BRINP1: variants seen among roughly 807,000 people sequenced by gnomAD.
BRINP1 encodes BMP/retinoic acid-inducible neural-specific protein 1.
Under a neutral mutation model 72.9 loss-of-function variants are expected in BRINP1, and 17 were observed. That is an observed-to-expected ratio of 0.23 (90% CI 0.16 to 0.35). BRINP1 has a LOEUF of 0.35. Among genes scored for constraint, BRINP1 ranks in the 10% least tolerant of loss-of-function variants. BRINP1 has a pLI of 1.00. For synonymous variants in BRINP1, 418 were observed against 378.5 expected (o/e 1.10, Z -1.21); for missense variants, 850 against 1,001.6 (o/e 0.85, Z 2.04).
chr9:119,315,748 C>T (rs186976609), intron 1 of BRINP1, among the ~76,000 whole-genome samples: 1 of 152,302 alleles, frequency 6.6e-6, no homozygotes, highest in Non-Finnish European at 1.5e-5. Context: ...CCAGTGAACA[C>T]ATGAATGATA....
At chr9:119,310,526 A>T (rs541026051) in intron 2 of BRINP1, among the ~76,000 whole-genome samples, 14 of 152,176 alleles carry the variant, frequency 9.2e-5, no homozygotes, top group Non-Finnish European at 1.5e-4. Flanking sequence ...CAGGAGAAAG[A>T]AGATGGCCTT....
intron 2 of BRINP1, among the ~76,000 whole-genome samples, chr9:119,252,486 G>T (rs903202207): frequency 1.3e-5 from 2 of 151,480 alleles, no homozygotes; most frequent in East Asian, 3.9e-4. Context: ...ATAATTATGA[G>T]GTTATATATA....
intron 7 of BRINP1, among the ~76,000 whole-genome samples, chr9:119,203,638 A>G (rs1303535222): frequency 6.6e-6 from 1 of 152,198 alleles, no homozygotes; most frequent in Non-Finnish European, 1.5e-5. Flanking sequence ...CAAAGGTTTC[A>G]GTAACTTCCT....
intron 1 of BRINP1, among the ~76,000 whole-genome samples, chr9:119,316,606 T>C (rs1831127614): frequency 1.3e-5 from 2 of 152,038 alleles, no homozygotes; most frequent in Admixed American, 1.3e-4. Flanking sequence ...CTACTCTGCT[T>C]GTGATCTAAA....
intron 6 of BRINP1, 194 bp downstream of exon 6, chr9:119,213,725 T>C (rs775505651): frequency 1.5e-6 from 1 of 655,200 alleles, no homozygotes; most frequent in East Asian, 2.5e-5. Context: ...ATGCTATTCA[T>C]TAATTTTATT....
intron 5 of BRINP1, among the ~76,000 whole-genome samples, chr9:119,222,326 A>G (rs1016131416): frequency 2.0e-5 from 3 of 152,138 alleles, no homozygotes; most frequent in Non-Finnish European, 4.4e-5. Flanking sequence ...ACTATAGCCA[A>G]ATTGACCTGC....
intron 2 of BRINP1, chr9:119,283,302 G>T: frequency 2.0e-6 from 1 of 488,044 alleles, no homozygotes; most frequent in Non-Finnish European, 2.7e-6. Context: ...CCCTGCCCCA[G>T]ACAGACCCAG....
At chr9:119,336,029 G>T (rs1213865772) in intron 1 of BRINP1, among the ~76,000 whole-genome samples, 1 of 152,194 alleles carries the variant, frequency 6.6e-6, no homozygotes, top group East Asian at 1.9e-4. Context: ...AGGCTGACAT[G>T]TATGGGTAAA....
chr9:119,319,886 A>T (rs992213970), intron 1 of BRINP1, among the ~76,000 whole-genome samples: 2 of 152,188 alleles, frequency 1.3e-5, no homozygotes, highest in Non-Finnish European at 2.9e-5. Flanking sequence ...CTGAAATTAG[A>T]TCCTGCTCTC....
At position 119,369,066 on chromosome 9, in the gene BRINP1, T is replaced by C. The variant is rs570335385; in HGVS notation, c.-61A>G. On this transcript the variant is annotated 5_prime_UTR_variant, in exon 1 of 8. Coordinates refer to ENST00000265922, the MANE Select transcript of BRINP1 (RefSeq NM_014618.3). ...CCGGCGCCGCCTTACCTGGAGTCAA[T>C]GTCCGTCTTTGGCGGAGAGCTGCGG... 3 of 395,744 alleles carry C rather than the reference T, an allele frequency of 7.6e-6. No homozygotes were observed. The highest frequency in any genetic ancestry group is 2.1e-5 in the African/African-American group (1 of 48,480). 24.5% of individuals were successfully genotyped at this position (395,744 alleles called of 1,614,324 possible).
chr9:119,235,562 CTT>C (rs1243116924), intron 5 of BRINP1, among the ~76,000 whole-genome samples: 4 of 152,112 alleles, frequency 2.6e-5, no homozygotes, highest in Non-Finnish European at 5.9e-5. Flanking sequence ...TATGCCTACT[CTT>C]GTTTGTTTGA....
chr9:119,263,359 C>T (rs574682945), intron 2 of BRINP1, among the ~76,000 whole-genome samples: 4 of 152,154 alleles, frequency 2.6e-5, no homozygotes, highest in African/African-American at 9.6e-5. Context: ...AATCTTCTCC[C>T]CCATTCTCCC....
At chr9:119,332,931 T>A (rs904129022) in intron 1 of BRINP1, among the ~76,000 whole-genome samples, 4 of 152,172 alleles carry the variant, frequency 2.6e-5, no homozygotes, top group African/African-American at 9.7e-5. Flanking sequence ...CACTAGGTAA[T>A]ATTAATATTC....
In BRINP1 at chr9:119,364,047, C is replaced by G. The variant is rs1936843667; in HGVS notation, c.-51+5009G>C. Among the ~76,000 whole-genome samples, 3 of 127,466 alleles carry G rather than the reference C, an allele frequency of 2.4e-5. No homozygotes were observed. The East Asian group carries it at 8.0e-4, about 34-fold the overall frequency. The allele number at this position is 127,466 out of a possible 152,430, so 83.6% of individuals were successfully genotyped here. On this transcript the variant is annotated intron_variant, in intron 1 of 7. Transcript: ENST00000265922. Reference sequence around the variant, plus strand: ...TTTTTTTTTTTTTTTTTGGTGGCATCGAAGCCCTAAAAGTGAGGTAAACTA... The same window carrying G: ...TTTTTTTTTTTTTTTTTGGTGGCATGGAAGCCCTAAAAGTGAGGTAAACTA...
chr9:119,266,485 T>C (rs1157598342), intron 2 of BRINP1, among the ~76,000 whole-genome samples: 1 of 152,230 alleles, frequency 6.6e-6, no homozygotes, highest in African/African-American at 2.4e-5. Flanking sequence ...ACCCAAAACC[T>C]CGAATATTTA....
chr9:119,351,642 A>T (rs573005408), intron 1 of BRINP1, among the ~76,000 whole-genome samples: 1 of 152,196 alleles, frequency 6.6e-6, no homozygotes, highest in East Asian at 1.9e-4. Flanking sequence ...TATCACTTGT[A>T]CCCTCTTGAA....
intron 5 of BRINP1, among the ~76,000 whole-genome samples, chr9:119,236,071 G>A (rs1408841676): frequency 6.6e-6 from 1 of 151,966 alleles, no homozygotes; most frequent in Non-Finnish European, 1.5e-5. Flanking sequence ...ATATTAATGG[G>A]ATTGATTATC....
intron 2 of BRINP1, among the ~76,000 whole-genome samples, chr9:119,280,246 C>T (rs562473297): frequency 6.1e-5 from 9 of 148,624 alleles, no homozygotes; most frequent in East Asian, 2.0e-4. Flanking sequence ...GTTTTTTTTT[C>T]TTTTTTTTTT....
chr9:119,194,931 T>C (rs1308563361), intron 7 of BRINP1, among the ~76,000 whole-genome samples: 1 of 152,200 alleles, frequency 6.6e-6, no homozygotes, highest in Non-Finnish European at 1.5e-5. Flanking sequence ...TTTATGGTAA[T>C]TTGCTACATA....
Sources: gnomAD v4.1 joint callset for allele counts (sites outside exome capture counted in the v4.1 genomes callset) on GRCh38, gnomAD v4.1.1 for gene constraint, MANE v1.5 for transcripts, NCBI Gene and HGNC (gene_info 2026-07-23, HGNC 2026-07-21) for gene names.